SND1: variants seen among roughly 807,000 people sequenced by gnomAD.
SND1 encodes staphylococcal nuclease domain-containing protein 1.
A neutral mutation model predicts 121.7 loss-of-function variants in SND1; 38 were observed. The ratio of observed to expected loss-of-function variants is 0.31; its 90% CI spans 0.24 to 0.41. The LOEUF is 0.41. Among genes scored for constraint, SND1 ranks in the 10% least tolerant of loss-of-function variants. The probability of loss-of-function intolerance (pLI) is 1.00; values close to 1 mark genes in which losing one functional copy is unlikely to be tolerated. For missense variants in SND1, 868 were observed against 1,184.6 expected (o/e 0.73, Z 3.92); for synonymous variants, 401 against 447.4 (o/e 0.90, Z 1.31).
Position 127,974,465 on chromosome 7 carries a change from C to T in SND1, c.1670-16482C>T, listed in dbSNP as rs532952468. Among the ~76,000 whole-genome samples the T allele has an allele frequency of 6.6e-5, 10 of 152,224 alleles. No homozygotes were observed. In the South Asian group the frequency reaches 1.7e-3, roughly 25 times the overall value. On this transcript the variant is annotated intron_variant, in intron 15 of 23. Transcript: ENST00000354725. ...TTGGCCTGGGCTCCCTTTGGAGCAG[C>T]GATTTCATTGCCCTCTCTCATTCAC...
chr7:127,992,793 G>GATC (rs1225801585), intron 16 of SND1, among the ~76,000 whole-genome samples: 1 of 152,166 alleles, frequency 6.6e-6, no homozygotes, highest in African/African-American at 2.4e-5. Context: ...AGAGAATACT[G>GATC]ATCACTAAAA....
At chr7:127,993,527 C>T (rs1255324784) in intron 16 of SND1, among the ~76,000 whole-genome samples, 1 of 152,246 alleles carries the variant, frequency 6.6e-6, no homozygotes, top group East Asian at 1.9e-4. Context: ...TCTATCTTGC[C>T]CACAGTGCAC....
intron 4 of SND1, among the ~76,000 whole-genome samples, chr7:127,700,212 T>C (rs1231237404): frequency 6.6e-6 from 1 of 152,190 alleles, no homozygotes; most frequent in African/African-American, 2.4e-5. Context: ...TCCTTTTTCC[T>C]CCAAAATTGT....
Position 127,946,720 on chromosome 7 carries a change from G to A in SND1, c.1669+17391G>A, listed in dbSNP as rs867617568. Reference sequence around the variant, plus strand: ...TTTCACAGAATGGCATGACTATGGCGAGTAAGTGTCCCAGGAGATCCACCA... The same window carrying A: ...TTTCACAGAATGGCATGACTATGGCAAGTAAGTGTCCCAGGAGATCCACCA... On this transcript the variant is annotated intron_variant, in intron 15 of 23. Coordinates refer to ENST00000354725, the MANE Select transcript of SND1 (RefSeq NM_014390.4). Among the ~76,000 whole-genome samples the A allele has an allele frequency of 6.6e-5, 10 of 152,214 alleles. No homozygotes were observed. In the South Asian group the frequency reaches 1.2e-3, roughly 19 times the overall value.
chr7:127,677,736 A>T (rs1019442190), intron 1 of SND1, among the ~76,000 whole-genome samples: 1 of 152,208 alleles, frequency 6.6e-6, no homozygotes, highest in African/African-American at 2.4e-5. Flanking sequence ...TTTGACTTTC[A>T]TACTCTTTTG....
chr7:127,920,312 G>T (rs2116798325), intron 14 of SND1, among the ~76,000 whole-genome samples: 1 of 152,168 alleles, frequency 6.6e-6, no homozygotes, highest in East Asian at 1.9e-4. Context: ...AAAGCAGAAG[G>T]CATGGATTGA....
chr7:127,889,263 C>T (rs1427171915), intron 13 of SND1, among the ~76,000 whole-genome samples: 5 of 151,974 alleles, frequency 3.3e-5, no homozygotes, highest in African/African-American at 1.2e-4. Context: ...TTCTTCTCTC[C>T]CTACCTATAT....
intron 15 of SND1, among the ~76,000 whole-genome samples, chr7:127,936,979 A>G (rs2116832116): frequency 6.6e-6 from 1 of 152,356 alleles, no homozygotes; most frequent in Non-Finnish European, 1.5e-5. Flanking sequence ...GGCACAGTTC[A>G]GGAAGTGGCC....
chr7:128,041,612 C>T (rs756217154), intron 16 of SND1, among the ~76,000 whole-genome samples: 1 of 152,168 alleles, frequency 6.6e-6, no homozygotes, highest in African/African-American at 2.4e-5. Context: ...ACTCTCAGCT[C>T]CTCTATCAGA....
At chr7:127,906,303 T>A (rs190586040) in intron 14 of SND1, among the ~76,000 whole-genome samples, 1 of 152,288 alleles carries the variant, frequency 6.6e-6, no homozygotes, top group Admixed American at 6.5e-5. Flanking sequence ...TCTGCTAATG[T>A]TCATTTTTAA....
intron 1 of SND1, among the ~76,000 whole-genome samples, chr7:127,684,659 A>G (rs980303104): frequency 1.3e-5 from 2 of 152,174 alleles, no homozygotes; most frequent in Admixed American, 6.5e-5. Context: ...TAGGACATGA[A>G]TTCTCAGGAT....
At chr7:128,046,359 T>C (rs890914994) in intron 16 of SND1, among the ~76,000 whole-genome samples, 1 of 148,392 alleles carries the variant, frequency 6.7e-6, no homozygotes, top group Non-Finnish European at 1.5e-5. Flanking sequence ...TTTTGGTTGT[T>C]GTTGTGTTTT....
intron 2 of SND1, chr7:127,692,722 G>C (rs1475169992): frequency 4.8e-5 from 1 of 21,044 alleles, no homozygotes; most frequent in South Asian, 5.5e-3. Flanking sequence ...ACTTGAGAAG[G>C]CTTATTTAGG....
intron 16 of SND1, among the ~76,000 whole-genome samples, chr7:128,011,989 G>T (rs1803126662): frequency 6.6e-6 from 1 of 152,098 alleles, no homozygotes; most frequent in Admixed American, 6.5e-5. Flanking sequence ...TCAGAAAAGG[G>T]TTTTAAATAT....
chr7:127,674,127 T>TTCCTCCCTCCCTTCCTGCCC (rs1470075955), intron 1 of SND1, among the ~76,000 whole-genome samples: 7 of 151,608 alleles, frequency 4.6e-5, no homozygotes, highest in Non-Finnish European at 8.8e-5. Context: ...CTTTCCTGCC[T>TTCCTCCCTCCCTTCCTGCCC]TCCTCCCTCC....
At chr7:127,829,338 T>C (rs1221041546) in intron 11 of SND1, among the ~76,000 whole-genome samples, 3 of 152,130 alleles carry the variant, frequency 2.0e-5, no homozygotes, top group African/African-American at 7.2e-5. Flanking sequence ...GATTGGTAGG[T>C]TGGTTTATTG....
intron 1 of SND1, among the ~76,000 whole-genome samples, chr7:127,661,530 A>G (rs1411262702): frequency 1.3e-5 from 2 of 152,146 alleles, no homozygotes; most frequent in South Asian, 2.1e-4. Flanking sequence ...TCTTAACAAC[A>G]CTAAAACCCC....
intron 1 of SND1, among the ~76,000 whole-genome samples, chr7:127,672,956 A>C (rs1485426579): frequency 6.6e-6 from 1 of 152,038 alleles, no homozygotes; most frequent in Admixed American, 6.6e-5. Context: ...TCACATTACT[A>C]GTGTTGATAA....
At chr7:127,718,889 A>G (rs183771316) in intron 9 of SND1, 2 of 372,328 alleles carry the variant, frequency 5.4e-6, no homozygotes, top group Admixed American at 1.3e-4. Flanking sequence ...CACAACAAGA[A>G]TTTGTTTTGG....
Sources: gnomAD v4.1 joint callset for allele counts (sites outside exome capture counted in the v4.1 genomes callset) on GRCh38, gnomAD v4.1.1 for gene constraint, MANE v1.5 for transcripts, NCBI Gene and HGNC (gene_info 2026-07-23, HGNC 2026-07-21) for gene names.